Variants in SDK2 observed in about 807,000 individuals in gnomAD.
SDK2 encodes the protein sidekick cell adhesion molecule 2.
SDK2 carries 105 observed loss-of-function variants against 253.9 expected under a neutral mutation model. The observed-to-expected ratio is 0.41, with a 90% CI of 0.35 to 0.49. SDK2 has a LOEUF of 0.49. Ranked by LOEUF, SDK2 falls within the 20% of genes least tolerant of loss-of-function variation. SDK2 has a pLI of 0.06. For synonymous variants in SDK2, 1,249 were observed against 1,234.9 expected, an observed-to-expected ratio of 1.01 and a Z score of -0.24; for missense variants, 2,608 against 3,003.0, an observed-to-expected ratio of 0.87 and a Z score of 3.07.
intron 2 of SDK2, among the ~76,000 whole-genome samples, chr17:73,482,873 T>G (rs554618111): frequency 6.6e-6 from 1 of 152,170 alleles, no homozygotes; most frequent in South Asian, 2.1e-4. Flanking sequence ...ACAACCACAG[T>G]AGCAGCATCG....
intron 2 of SDK2, among the ~76,000 whole-genome samples, chr17:73,477,825 G>A (rs1252961737): frequency 6.6e-6 from 1 of 152,118 alleles, no homozygotes; most frequent in Non-Finnish European, 1.5e-5. Flanking sequence ...CAGGAACCTG[G>A]CTCCTCCAGG....
rs554618111 is a variant in SDK2, at chr17:73,482,873, T to C, written c.225-10655A>G. Among the ~76,000 whole-genome samples the C allele has an allele frequency of 7.9e-5, 12 of 152,288 alleles. No individual in the cohort carries two copies. The South Asian group carries it at 2.5e-3, about 32-fold the overall frequency. ...ATCCCTCCCTAAATAACAACCACAG[T>C]AGCAGCATCGGGTTGTGAGCCAAAC... On this transcript the variant is annotated intron_variant, in intron 2 of 44. Coordinates refer to ENST00000392650, the MANE Select transcript of SDK2 (RefSeq NM_001144952.2).
intron 1 of SDK2, among the ~76,000 whole-genome samples, chr17:73,628,900 G>A (rs566799419): frequency 4.8e-4 from 73 of 152,300 alleles, no homozygotes; most frequent in Non-Finnish European, 7.8e-4. Context: ...CCCAGATGTG[G>A]ATCTGGGGTG....
At chr17:73,535,996 T>C (rs2044765879) in intron 1 of SDK2, among the ~76,000 whole-genome samples, 1 of 152,182 alleles carries the variant, frequency 6.6e-6, no homozygotes, top group African/African-American at 2.4e-5. Context: ...CTTTTCCTTT[T>C]CTGATTTCAC....
Position 73,616,283 on chromosome 17 carries a change from C to T in SDK2, c.64+27742G>A, listed in dbSNP as rs2046055595. 1.3e-5 allele frequency among the ~76,000 whole-genome samples: 2 copies of T among 152,094 alleles called. No individual in the cohort carries two copies. The highest frequency in any genetic ancestry group is 2.4e-5 in the African/African-American group (1 of 41,420). ...CTGCTTGCCTTCCCCACCCTCTCCC[C>T]GCCTGTCTGAGCTAGACAAATTTCC... is the stretch of plus-strand genomic sequence containing the variant. On this transcript the variant is annotated intron_variant, in intron 1 of 44. Transcript: ENST00000392650. The surrounding 1 kb of genome is among the most constrained non-coding windows in gnomAD (Gnocchi z 5.2).
intron 31 of SDK2, 116 bp downstream of exon 31, chr17:73,386,329 C>T: frequency 2.6e-6 from 2 of 769,780 alleles, no homozygotes; most frequent in South Asian, 1.6e-5. Context: ...CTGAAGGGCC[C>T]AGTGGGTCCC....
At chr17:73,603,249 G>A (rs948884750) in intron 1 of SDK2, among the ~76,000 whole-genome samples, 1 of 152,190 alleles carries the variant, frequency 6.6e-6, no homozygotes, top group African/African-American at 2.4e-5. Context: ...CCTACTTGGT[G>A]GAGAGTGAGG....
At chr17:73,345,305 G>A (rs912014739) in intron 44 of SDK2, among the ~76,000 whole-genome samples, 3 of 151,832 alleles carry the variant, frequency 2.0e-5, no homozygotes, top group Non-Finnish European at 4.4e-5. Context: ...GGGGACAAGA[G>A]CGAGACTTCA....
chr17:73,472,064 C>T, intron 3 of SDK2, 48 bp downstream of exon 3: 1 of 1,363,216 alleles, frequency 7.3e-7, no homozygotes, highest in Non-Finnish European at 1.0e-6. Flanking sequence ...GGGTGCCACT[C>T]TGGCACCACA....
Position 73,393,683 on chromosome 17 carries a change from G to C in SDK2, c.3775C>G (p.Arg1259Gly). 6.3e-7 allele frequency: 1 copy of C among 1,596,868 alleles called. No homozygotes were observed. The highest frequency in any genetic ancestry group is 2.3e-5 in the East Asian group (1 of 44,348). ...RFWLVEGNSSRSAQLTGLGKY... is the reference protein window; with the variant it reads ...RFWLVEGNSSGSAQLTGLGKY... Reference sequence around the variant, plus strand: ...CCCAAGCCGGTGAGCTGGGCACTGCGAGACGAGTTGCCTTCCACCAGCCAG... The same window carrying C: ...CCCAAGCCGGTGAGCTGGGCACTGCCAGACGAGTTGCCTTCCACCAGCCAG... The change falls in exon 27 of 45, where the codon CGC becomes GGC. Residue 1259 changes from arginine to glycine, a missense_variant. This residue lies in a region of SDK2 where 1,505 missense variants were observed against 1,859.1 expected (regional missense o/e 0.81). Coordinates refer to ENST00000392650, the MANE Select transcript of SDK2 (RefSeq NM_001144952.2).
intron 1 of SDK2, among the ~76,000 whole-genome samples, chr17:73,546,515 C>T (rs1260350057): frequency 1.3e-5 from 2 of 152,246 alleles, no homozygotes; most frequent in South Asian, 4.1e-4. Flanking sequence ...GCAGGCCACA[C>T]TGCAGCCCAG....
At position 73,609,353 on chromosome 17, in the gene SDK2, G is replaced by A. The variant is rs1483456015; in HGVS notation, c.64+34672C>T. On this transcript the variant is annotated intron_variant, in intron 1 of 44. Transcript: ENST00000392650. The surrounding 1 kb of genome is among the most constrained non-coding windows in gnomAD (Gnocchi z 4.4). ...CAGAACGCCCTGACATCAGAGGCTG[G>A]ACCAGGAGGAGGAGCCAGCAAGAAA... is the stretch of plus-strand genomic sequence containing the variant. 6.6e-6 allele frequency among the ~76,000 whole-genome samples: 1 copy of A among 152,158 alleles called. No individual in the cohort carries two copies. Among genetic ancestry groups the A allele is most frequent in the African/African-American group, 2.4e-5 (1 of 41,422 alleles).
In SDK2 at chr17:73,507,568, G is replaced by C. The variant is rs777350971; in HGVS notation, c.94C>G (p.Pro32Ala). 2.4e-5 allele frequency: 38 copies of C among 1,551,494 alleles called. No homozygotes were observed. In the East Asian group the frequency reaches 7.3e-4, roughly 30 times the overall value. ...TCCAAGTGCACCTGTGTCCGCACAG[G>C]CTCTGTCTTGAAATACGGGGACACA... ...DDVSPYFKTEPVRTQVHLEGN... is the reference protein window; with the variant it reads ...DDVSPYFKTEAVRTQVHLEGN... The change falls in exon 2 of 45, where the codon CCT (proline) becomes GCT (alanine). Residue 32 changes from proline (P) to alanine (A), a missense_variant. By Grantham distance (27) the Pro-to-Ala change is conservative. Transcript: ENST00000392650.
At chr17:73,544,603 A>G (rs923343190) in intron 1 of SDK2, among the ~76,000 whole-genome samples, 1 of 152,212 alleles carries the variant, frequency 6.6e-6, no homozygotes, top group Non-Finnish European at 1.5e-5. Context: ...GAATGGATAC[A>G]TGGACAGATG....
Position 73,428,229 on chromosome 17 carries a change from A to AT in SDK2, c.1583+2281dup, listed in dbSNP as rs1269094664. On this transcript the variant is annotated intron_variant, in intron 12 of 44. Coordinates refer to ENST00000392650, the MANE Select transcript of SDK2 (RefSeq NM_001144952.2). The stretch of plus-strand genomic sequence containing the variant: ...CCTAGCACTTTGGGAGGCTGAGCTA[A>AT]TTTTTTTTGTATTTTTAGTAGAGAC... Among the ~76,000 whole-genome samples the AT allele has an allele frequency of 5.9e-5, 9 of 151,956 alleles. No homozygotes were observed. The East Asian group carries it at 7.8e-4, about 13-fold the overall frequency.
At chr17:73,493,115 G>A (rs1344190479) in intron 2 of SDK2, among the ~76,000 whole-genome samples, 1 of 152,070 alleles carries the variant, frequency 6.6e-6, no homozygotes, top group Non-Finnish European at 1.5e-5. Flanking sequence ...ATGTGCCTCC[G>A]ATGGAGCCCA....
chr17:73,600,830 G>A (rs932603303), intron 1 of SDK2, among the ~76,000 whole-genome samples: 4 of 152,026 alleles, frequency 2.6e-5, no homozygotes, highest in African/African-American at 9.7e-5. Flanking sequence ...CAGCTCAGAC[G>A]GACTAATCCA....
intron 38 of SDK2, among the ~76,000 whole-genome samples, chr17:73,362,577 G>C (rs2062650506): frequency 6.6e-6 from 1 of 152,082 alleles, no homozygotes; most frequent in South Asian, 2.1e-4. Context: ...TTTTTGTAGA[G>C]ACAGGGTCTC....
chr17:73,408,504 G>T (rs1032069365), intron 18 of SDK2, among the ~76,000 whole-genome samples: 2 of 152,098 alleles, frequency 1.3e-5, no homozygotes, highest in Non-Finnish European at 2.9e-5. Context: ...GATTACAGGC[G>T]TGAGCCATCA....
Sources: gnomAD v4.1 joint callset for allele counts (sites outside exome capture counted in the v4.1 genomes callset) on GRCh38, gnomAD v4.1.1 for gene constraint, gnomAD v4.1.1 regional missense constraint, Gnocchi (gnomAD v3.1) non-coding constraint, MANE v1.5 for transcripts, NCBI Gene and HGNC (gene_info 2026-07-23, HGNC 2026-07-21) for gene names.